LRGUK: variants seen among roughly 807,000 people sequenced by gnomAD.
LRGUK encodes leucine rich repeats and guanylate kinase domain containing, also known as leucine-rich repeat and guanylate kinase domain-containing protein.
In LRGUK, 65 loss-of-function variants were observed where a neutral mutation model predicts 76.0. The observed-to-expected ratio is 0.85, with a 90% CI of 0.70 to 1.05. The LOEUF is 1.05. Ranked by LOEUF, LRGUK falls within the 50% of genes least tolerant of loss-of-function variation. LRGUK has a pLI of 0.00. For missense variants in LRGUK, 758 were observed against 732.8 expected (o/e 1.03, Z -0.40); for synonymous variants, 268 against 265.6 (o/e 1.01, Z -0.09).
intron 10 of LRGUK, among the ~76,000 whole-genome samples, chr7:134,179,068 G>A (rs1033048635): frequency 1.8e-4 from 27 of 151,438 alleles, no homozygotes; most frequent in African/African-American, 6.1e-4. Flanking sequence ...AAATACCCTT[G>A]CCAAAGACTG....
chr7:134,137,818 C>G lies in LRGUK; in HGVS notation c.405+688C>G, dbSNP rs139482063. Among the ~76,000 whole-genome samples, 554 of 151,610 alleles carry G rather than the reference C, an allele frequency of 3.7e-3. 1 individual carries two copies. The highest frequency in any genetic ancestry group is 0.015 in the South Asian group (73 of 4,776). On this transcript the variant is annotated intron_variant, in intron 2 of 15. Transcript: ENST00000645682. ...CTTATATTGTAAAGCATTAAATATT[C>G]ATTGGAGATCCACAGAGTAAATTTA...
the LRGUK span, among the ~76,000 whole-genome samples, chr7:134,275,575 G>A: frequency 6.6e-6 from 1 of 152,198 alleles, no homozygotes; most frequent in African/African-American, 2.4e-5. Flanking sequence ...TTGGCATATG[G>A]ACTCAACTTT....
intron 13 of LRGUK, among the ~76,000 whole-genome samples, chr7:134,197,813 A>AT (rs1157904029): frequency 6.6e-6 from 1 of 152,150 alleles, no homozygotes; most frequent in African/African-American, 2.4e-5. Context: ...CCACTCATTT[A>AT]TTTTTTAAAA....
chr7:134,205,224 G>T (rs964192021), intron 15 of LRGUK, among the ~76,000 whole-genome samples: 2 of 152,120 alleles, frequency 1.3e-5, no homozygotes, highest in African/African-American at 2.4e-5. Context: ...TGATTGGTGC[G>T]TTTTACAGAG....
intron 15 of LRGUK, among the ~76,000 whole-genome samples, chr7:134,201,973 G>C (rs1222416): frequency 1 from 152,290 of 152,290 alleles, 76,145 homozygotes; most frequent in Non-Finnish European, 1. Flanking sequence ...TGCGTTACCC[G>C]AGTCCTCAAA....
chr7:134,143,504 TTTTA>T (rs1232753681), intron 4 of LRGUK, among the ~76,000 whole-genome samples: 19 of 152,216 alleles, frequency 1.2e-4, no homozygotes, highest in African/African-American at 4.6e-4. Flanking sequence ...ACTTGGTACA[TTTTA>T]TTTATTTAAA....
intron 19 of LRGUK, among the ~76,000 whole-genome samples, chr7:134,259,639 A>G (rs1802669640): frequency 6.6e-6 from 1 of 152,220 alleles, no homozygotes; most frequent in Non-Finnish European, 1.5e-5. Flanking sequence ...AGTGGTATTC[A>G]GGATAGCTGG....
intron 6 of LRGUK, among the ~76,000 whole-genome samples, chr7:134,160,074 T>A (rs138448455): frequency 1.3e-5 from 2 of 152,376 alleles, no homozygotes; most frequent in East Asian, 3.9e-4. Flanking sequence ...CATTTTGTGG[T>A]CTGTTAGAAT....
exon 7 of LRGUK, chr7:134,163,470 A>T (rs754491485): frequency 6.2e-6 from 10 of 1,613,854 alleles, no homozygotes; most frequent in Non-Finnish European, 8.5e-6. Flanking sequence ...CTGTCCCACA[A>T]TCAGATAAGC....
At chr7:134,205,697 A>C (rs1472274833) in intron 15 of LRGUK, among the ~76,000 whole-genome samples, 1 of 152,216 alleles carries the variant, frequency 6.6e-6, no homozygotes, top group Non-Finnish European at 1.5e-5. Context: ...TTGGTTTTCT[A>C]TTCTAAATCT....
intron 6 of LRGUK, among the ~76,000 whole-genome samples, chr7:134,159,805 C>A (rs796426205): frequency 1.1e-4 from 17 of 152,006 alleles, no homozygotes; most frequent in African/African-American, 4.1e-4. Context: ...ACAAAACAAA[C>A]AAAAAAACAT....
chr7:134,127,709 G>A, intron 1 of LRGUK, 45 bp downstream of exon 1: 1 of 1,557,594 alleles, frequency 6.4e-7, no homozygotes, highest in African/African-American at 1.4e-5. Flanking sequence ...CCCTCGTCCA[G>A]CCCTGTTACT....
intron 11 of LRGUK, among the ~76,000 whole-genome samples, chr7:134,190,924 G>T: frequency 6.6e-6 from 1 of 152,242 alleles, no homozygotes. Context: ...AGCAGTTCTG[G>T]GGATAGACAG....
At chr7:134,160,096 C>A (rs1450382923) in intron 6 of LRGUK, among the ~76,000 whole-genome samples, 1 of 152,162 alleles carries the variant, frequency 6.6e-6, no homozygotes, top group Admixed American at 6.5e-5. Context: ...TTGTTCTTTT[C>A]TTTACATGTC....
intron 15 of LRGUK, among the ~76,000 whole-genome samples, chr7:134,215,272 A>G (rs1187973673): frequency 1.3e-5 from 2 of 151,894 alleles, no homozygotes; most frequent in African/African-American, 2.4e-5. Context: ...CAACTCTGAT[A>G]TTTTCTATGG....
chr7:134,200,012 A>T (rs1298128603), intron 14 of LRGUK, among the ~76,000 whole-genome samples: 1 of 129,048 alleles, frequency 7.7e-6, no homozygotes, highest in Non-Finnish European at 1.6e-5. Context: ...ATATATATAT[A>T]TATATATATA....
intron 16 of LRGUK, among the ~76,000 whole-genome samples, chr7:134,232,107 A>T (rs1268060265): frequency 2.0e-5 from 3 of 152,110 alleles, no homozygotes; most frequent in Non-Finnish European, 4.4e-5. Context: ...CCCTGTCCTT[A>T]TAGAATTAAT....
chr7:134,202,236 G>A (rs1317668258), intron 15 of LRGUK, among the ~76,000 whole-genome samples: 3 of 151,900 alleles, frequency 2.0e-5, no homozygotes, highest in African/African-American at 7.3e-5. Context: ...TAGAATTTTG[G>A]TACATGAATT....
At chr7:134,168,794 G>A (rs944945793) in intron 7 of LRGUK, among the ~76,000 whole-genome samples, 3 of 152,048 alleles carry the variant, frequency 2.0e-5, no homozygotes, top group East Asian at 1.9e-4. Flanking sequence ...TACTGTCATC[G>A]AGAACCCCTG....
Sources: gnomAD v4.1 joint callset for allele counts (sites outside exome capture counted in the v4.1 genomes callset) on GRCh38, gnomAD v4.1.1 for gene constraint, MANE v1.5 for transcripts, NCBI Gene and HGNC (gene_info 2026-07-23, HGNC 2026-07-21) for gene names.